SPHKAP: variants seen among roughly 807,000 people sequenced by gnomAD.
SPHKAP encodes the protein A-kinase anchor protein SPHKAP.
In SPHKAP, 67 loss-of-function variants were observed where a neutral mutation model predicts 137.5. The observed-to-expected ratio is 0.49, with a 90% confidence interval of 0.40 to 0.60. The LOEUF (loss-of-function observed/expected upper bound fraction) is 0.60, where lower values mean the gene tolerates loss of function less well. Ranked by LOEUF, SPHKAP falls within the 20% of genes least tolerant of loss-of-function variation. SPHKAP has a pLI of 0.00. For missense variants in SPHKAP, 2,097 were observed against 2,069.3 expected (o/e 1.01, Z -0.26); for synonymous variants, 813 against 785.3 (o/e 1.04, Z -0.59).
intron 2 of SPHKAP, among the ~76,000 whole-genome samples, chr2:228,119,842 G>T (rs1298091556): frequency 6.6e-6 from 1 of 152,088 alleles, no homozygotes; most frequent in Non-Finnish European, 1.5e-5. Flanking sequence ...ATGACTGCCT[G>T]AGTCCTTGTG....
intron 9 of SPHKAP, among the ~76,000 whole-genome samples, chr2:227,993,332 G>A (rs1253224084): frequency 6.6e-6 from 1 of 152,112 alleles, no homozygotes; most frequent in Admixed American, 6.5e-5. Flanking sequence ...TATTTCACAG[G>A]GGGCAGATTT....
At chr2:228,030,233 C>G (rs1046213754) in intron 3 of SPHKAP, among the ~76,000 whole-genome samples, 2 of 151,888 alleles carry the variant, frequency 1.3e-5, no homozygotes, top group East Asian at 3.9e-4. Flanking sequence ...AATGGAATAA[C>G]GGCCGCGTAC....
At chr2:228,164,584 C>T (rs1700366887) in intron 1 of SPHKAP, among the ~76,000 whole-genome samples, 1 of 152,228 alleles carries the variant, frequency 6.6e-6, no homozygotes, top group Non-Finnish European at 1.5e-5. Context: ...TGAATTAGGG[C>T]TTCCAGCCAC....
At chr2:228,096,148 A>G (rs1384898811) in intron 3 of SPHKAP, among the ~76,000 whole-genome samples, 1 of 152,192 alleles carries the variant, frequency 6.6e-6, no homozygotes, top group African/African-American at 2.4e-5. Flanking sequence ...GCAAAGGAAC[A>G]TAGATGTTTG....
rs566128115 is a variant in SPHKAP at position 228,125,558 on chromosome 2, C to T, written c.138+6422G>A. ...AACCACATATAGTAAGAAGAGAAAC[C>T]TGGGATCTAATTCAAGTCTCTCAAT... On this transcript the variant is annotated intron_variant, in intron 2 of 11. Coordinates refer to ENST00000392056, the MANE Select transcript of SPHKAP (RefSeq NM_001142644.2). Among the ~76,000 whole-genome samples, 11 of 152,296 alleles carry T rather than the reference C, an allele frequency of 7.2e-5. No individual in the cohort carries two copies. The East Asian group carries it at 1.9e-3, about 27-fold the overall frequency.
Position 228,128,627 on chromosome 2 carries a change from A to G in SPHKAP, c.138+3353T>C, listed in dbSNP as rs554835944. On this transcript the variant is annotated intron_variant, in intron 2 of 11. Coordinates refer to ENST00000392056, the MANE Select transcript of SPHKAP (RefSeq NM_001142644.2). The stretch of plus-strand genomic sequence containing the variant: ...AGATCCATCAAAGGAATGATTATCT[A>G]TGACAGTTATAGCCTTATTAAATGC... 6.6e-5 allele frequency among the ~76,000 whole-genome samples: 10 copies of G among 152,310 alleles called. No homozygotes were observed. In the South Asian group the frequency reaches 1.2e-3, roughly 19 times the overall value.
At chr2:228,121,566 C>T (rs1368275102) in intron 2 of SPHKAP, among the ~76,000 whole-genome samples, 5 of 152,104 alleles carry the variant, frequency 3.3e-5, no homozygotes, top group Non-Finnish European at 7.4e-5. Flanking sequence ...TGACTCTTCT[C>T]TTCTTGGGAA....
chr2:228,027,622 T>C (rs1359855026), intron 3 of SPHKAP, 79 bp from the exon 4 acceptor site: 9 of 1,395,884 alleles, frequency 6.4e-6, no homozygotes, highest in Non-Finnish European at 9.1e-6. Context: ...CAGGAATCAG[T>C]TGGGGCAAAT....
At chr2:228,112,423 C>T (rs2106352078) in intron 2 of SPHKAP, among the ~76,000 whole-genome samples, 1 of 152,212 alleles carries the variant, frequency 6.6e-6, no homozygotes, top group South Asian at 2.1e-4. Flanking sequence ...ATATTTAGGA[C>T]ACATAATACC....
At chr2:228,050,885 C>T (rs1574801231) in intron 3 of SPHKAP, among the ~76,000 whole-genome samples, 1 of 152,120 alleles carries the variant, frequency 6.6e-6, no homozygotes, top group South Asian at 2.1e-4. Flanking sequence ...TGGCTCACTG[C>T]AGCCTCAACT....
Position 228,155,687 on chromosome 2 carries a change from C to A in SPHKAP, c.33-23602G>T, listed in dbSNP as rs1700088535. On this transcript the variant is annotated intron_variant, in intron 1 of 11. Coordinates refer to ENST00000392056, the MANE Select transcript of SPHKAP (RefSeq NM_001142644.2). ...GCCACTGAGAAAACTGAATTAAGAGCAAAAAGTGAGCAAGTCCAACTATGG... is the reference window on the plus strand; with the variant it reads ...GCCACTGAGAAAACTGAATTAAGAGAAAAAAGTGAGCAAGTCCAACTATGG... 2.0e-5 allele frequency among the ~76,000 whole-genome samples: 3 copies of A among 152,196 alleles called. No homozygotes were observed. In the South Asian group the frequency reaches 6.2e-4, roughly 32 times the overall value.
chr2:228,176,478 C>A (rs1288946740), intron 1 of SPHKAP, among the ~76,000 whole-genome samples: 1 of 152,168 alleles, frequency 6.6e-6, no homozygotes, highest in South Asian at 2.1e-4. Flanking sequence ...ATATCCTGGA[C>A]GTCAGCACAT....
At chr2:228,125,286 T>C (rs1574872020) in intron 2 of SPHKAP, among the ~76,000 whole-genome samples, 1 of 152,208 alleles carries the variant, frequency 6.6e-6, no homozygotes, top group South Asian at 2.1e-4. Flanking sequence ...TTGAATATAA[T>C]GCTTTCAGAG....
chr2:227,989,569 G>A (rs1693335653), intron 11 of SPHKAP, among the ~76,000 whole-genome samples: 3 of 152,116 alleles, frequency 2.0e-5, no homozygotes, highest in Admixed American at 2.0e-4. Flanking sequence ...AGTTACCTTT[G>A]AGTTAATCAG....
At chr2:228,032,108 A>C (rs1343771071) in intron 3 of SPHKAP, among the ~76,000 whole-genome samples, 1 of 152,176 alleles carries the variant, frequency 6.6e-6, no homozygotes, top group Non-Finnish European at 1.5e-5. Context: ...AATTCAAACC[A>C]ATGGCAAAGA....
intron 7 of SPHKAP, among the ~76,000 whole-genome samples, chr2:228,010,424 C>T (rs184417514): frequency 1.0e-3 from 155 of 152,170 alleles, no homozygotes; most frequent in African/African-American, 3.4e-3. Flanking sequence ...CCCAGCTACT[C>T]GGGAGGCTGA....
At chr2:228,022,915 T>C (rs1694893910) in intron 5 of SPHKAP, among the ~76,000 whole-genome samples, 1 of 152,202 alleles carries the variant, frequency 6.6e-6, no homozygotes. Flanking sequence ...GATTCTATAA[T>C]TTGTATTGCT....
chr2:228,041,000 T>C, intron 3 of SPHKAP, among the ~76,000 whole-genome samples: 1 of 152,118 alleles, frequency 6.6e-6, no homozygotes, highest in African/African-American at 2.4e-5. Context: ...AGTAGAAAAA[T>C]GTGTTTCTAC....
chr2:228,049,609 G>C, intron 3 of SPHKAP, among the ~76,000 whole-genome samples: 1 of 152,178 alleles, frequency 6.6e-6, no homozygotes, highest in African/African-American at 2.4e-5. Flanking sequence ...CAGCTAGTGA[G>C]CATAAGACCT....
Sources: gnomAD v4.1 joint callset for allele counts (sites outside exome capture counted in the v4.1 genomes callset) on GRCh38, gnomAD v4.1.1 for gene constraint, MANE v1.5 for transcripts, NCBI Gene and HGNC (gene_info 2026-07-23, HGNC 2026-07-21) for gene names.